The following SH3YL1 variants were observed in gnomAD, a reference collection of about 807,000 sequenced individuals.
SH3YL1 encodes the protein SH3 domain-containing YSC84-like protein 1.
A neutral mutation model predicts 45.8 loss-of-function variants in SH3YL1; 41 were observed. That is an observed-to-expected ratio of 0.89 (90% CI 0.70 to 1.16). The LOEUF (loss-of-function observed/expected upper bound fraction) is 1.16, where lower values mean the gene tolerates loss of function less well. Among genes scored for constraint, SH3YL1 ranks in the 50% most tolerant of loss-of-function variants. SH3YL1 has a pLI of 0.00. For missense variants in SH3YL1, 389 were observed against 409.6 expected (o/e 0.95, Z 0.43); for synonymous variants, 152 against 151.4 (o/e 1.00, Z -0.03).
At chr2:235,073 C>T (rs574547135) in intron 4 of SH3YL1, among the ~76,000 whole-genome samples, 160 of 152,244 alleles carry the variant, frequency 1.1e-3, no homozygotes, top group African/African-American at 3.7e-3. Context: ...GATGGGGTTT[C>T]GCCATGTTGG....
At chr2:237,147 C>T (rs1558240926) in intron 4 of SH3YL1, among the ~76,000 whole-genome samples, 4 of 134,842 alleles carry the variant, frequency 3.0e-5, no homozygotes, top group Non-Finnish European at 4.9e-5. Flanking sequence ...ATTTCCCACT[C>T]GGAAAATACA....
At position 218,773 on chromosome 2, in the gene SH3YL1, T is replaced by C; in HGVS notation, c.*38A>G. On this transcript the variant is annotated 3_prime_UTR_variant, in exon 10 of 10. Coordinates refer to ENST00000356150, the MANE Select transcript of SH3YL1 (RefSeq NM_015677.4). ...GTAAATCCTGTCAGTGTAGAAATAA[T>C]TTTTTTGTAATTCTCAAAGAAGAAA... 1 of 1,480,768 alleles carries C rather than the reference T, an allele frequency of 6.8e-7. No individual in the cohort carries two copies. Among genetic ancestry groups the C allele is most frequent in the Non-Finnish European group, 9.1e-7 (1 of 1,097,124 alleles). 91.7% of individuals were successfully genotyped at this position (1,480,768 alleles called of 1,614,324 possible).
At position 233,108 on chromosome 2, in the gene SH3YL1, T is replaced by C. The variant is rs1668118758; in HGVS notation, c.526A>G (p.Asn176Asp). Residue 176 changes from asparagine to aspartate, a missense_variant, in exon 6 of 10, where the codon AAT becomes GAT. Coordinates refer to ENST00000356150, the MANE Select transcript of SH3YL1 (RefSeq NM_015677.4). ...ACTTTAACTTGAACTGACTTTCTAT[T>C]AGTTTCTTTCCTTTCAATCAAACAG... ...GSCLIERKET[N>D]RKFYCQDIRA... is the part of the protein sequence containing the mutation. The C allele has an allele frequency of 1.9e-6, 3 of 1,567,148 alleles. No homozygotes were observed. Among genetic ancestry groups the C allele is most frequent in the African/African-American group, 2.7e-5 (2 of 73,464 alleles).
At chr2:221,142 C>T (rs752233471) in intron 9 of SH3YL1, among the ~76,000 whole-genome samples, 4 of 152,142 alleles carry the variant, frequency 2.6e-5, no homozygotes, top group African/African-American at 9.7e-5. Context: ...GTAATTTGTC[C>T]AAGGTCAGGA....
At chr2:245,157 T>C (rs1264702775) in intron 4 of SH3YL1, among the ~76,000 whole-genome samples, 1 of 152,020 alleles carries the variant, frequency 6.6e-6, no homozygotes, top group Non-Finnish European at 1.5e-5. Flanking sequence ...CATTGAAAAA[T>C]AGCCGACTGC....
chr2:257,490 G>C (rs973687649), intron 1 of SH3YL1, among the ~76,000 whole-genome samples: 2 of 152,216 alleles, frequency 1.3e-5, no homozygotes, highest in Admixed American at 1.3e-4. Context: ...TAACTTAGGA[G>C]TATGCATCTG....
At chr2:260,855 A>C (rs186185839) in intron 1 of SH3YL1, 1 of 152,380 alleles carries the variant, frequency 6.6e-6, no homozygotes, top group Non-Finnish European at 1.5e-5. Context: ...GTTGAGAGTT[A>C]ATCTTGCAAA....
intron 4 of SH3YL1, chr2:243,014 C>A: frequency 1.9e-6 from 1 of 530,332 alleles, no homozygotes; most frequent in Non-Finnish European, 2.9e-6. Flanking sequence ...TATCGGAGAC[C>A]CAAATACATG....
chr2:225,640 A>C (rs2103019564), intron 8 of SH3YL1, among the ~76,000 whole-genome samples: 1 of 152,382 alleles, frequency 6.6e-6, no homozygotes, highest in South Asian at 2.1e-4. Flanking sequence ...GGATACAAAT[A>C]TCCTCTGAGA....
At chr2:264,109 C>G, upstream of SH3YL1, 5 of 1,271,210 alleles carry the variant, frequency 3.9e-6, no homozygotes, top group Non-Finnish European at 5.1e-6. Context: ...AAGGAGGCGG[C>G]GCAAAACACC....
intron 4 of SH3YL1, among the ~76,000 whole-genome samples, chr2:235,140 G>C (rs1029077222): frequency 3.9e-5 from 6 of 152,218 alleles, no homozygotes; most frequent in Admixed American, 3.9e-4. Flanking sequence ...GCCTCCCAAA[G>C]TGCTGGATTA....
In SH3YL1 at chr2:247,635, A is replaced by G. The variant is rs186470308; in HGVS notation, c.227-33T>C. On this transcript the variant is annotated intron_variant, in intron 3 of 9. Transcript: ENST00000356150. The stretch of plus-strand genomic sequence containing the variant: ...AAAAACAAACGAACGTTATCCTAAC[A>G]TTAAAACACCCTCGACATGTAAATA... 786 of 1,512,464 alleles carry G rather than the reference A, an allele frequency of 5.2e-4. 1 individual carries two copies. In the African/African-American group the frequency reaches 9.7e-3, roughly 19 times the overall value. The allele number at this position is 1,512,464 out of a possible 1,614,324, so 93.7% of individuals were successfully genotyped here.
At chr2:227,029 C>G (rs1667813763) in intron 8 of SH3YL1, among the ~76,000 whole-genome samples, 1 of 151,178 alleles carries the variant, frequency 6.6e-6, no homozygotes, top group Non-Finnish European at 1.5e-5. Context: ...CATATGGTGT[C>G]TAGTGGGAAA....
intron 6 of SH3YL1, 31 bp from the exon 7 acceptor site, chr2:231,222 T>C (rs780292184): frequency 6.6e-7 from 1 of 1,505,014 alleles, no homozygotes; most frequent in Admixed American, 1.9e-5. Context: ...AAAAACATTT[T>C]AATATACACA....
rs779148789 is a variant in SH3YL1 at position 218,941 on chromosome 2, C to T, written c.899G>A (p.Gly300Glu). The T allele has an allele frequency of 6.2e-7, 1 of 1,614,026 alleles. No individual in the cohort carries two copies. ...ALYSFEGQQPGDLNFQAGDRI... is the reference protein window; with the variant it reads ...ALYSFEGQQPEDLNFQAGDRI... ...GTCTCCAGCTTGAAAATTCAAATCC[C>T]CAGGCTGCTGTCCTTCAAATGAATA... Residue 300 changes from glycine (G) to glutamate (E), a missense_variant, in exon 10 of 10, where the codon GGG becomes GAG. Coordinates refer to ENST00000356150, the MANE Select transcript of SH3YL1 (RefSeq NM_015677.4).
intron 5 of SH3YL1, 34 bp downstream of exon 5, chr2:234,126 C>T (rs532139893): frequency 6.8e-7 from 1 of 1,470,246 alleles, no homozygotes; most frequent in African/African-American, 1.4e-5. Context: ...AGTTGTTAAA[C>T]CTTTACTGTC....
At chr2:261,140 CA>C (rs1206280177) in intron 1 of SH3YL1, 3 of 152,306 alleles carry the variant, frequency 2.0e-5, no homozygotes, top group East Asian at 3.9e-4. Context: ...TCTGTCAGAA[CA>C]AAAAGAATAT....
intron 9 of SH3YL1, among the ~76,000 whole-genome samples, chr2:221,073 T>C (rs1667552546): frequency 6.6e-6 from 1 of 152,102 alleles, no homozygotes; most frequent in African/African-American, 2.4e-5. Flanking sequence ...CCCACTGCAA[T>C]GAGCCAGCTA....
intron 2 of SH3YL1, among the ~76,000 whole-genome samples, chr2:252,275 A>G (rs1218731976): frequency 6.6e-6 from 1 of 152,212 alleles, no homozygotes; most frequent in Non-Finnish European, 1.5e-5. Flanking sequence ...GAGAATGTAA[A>G]TGTCTTATGT....
Sources: gnomAD v4.1 joint callset for allele counts (sites outside exome capture counted in the v4.1 genomes callset) on GRCh38, gnomAD v4.1.1 for gene constraint, MANE v1.5 for transcripts, NCBI Gene and HGNC (gene_info 2026-07-23, HGNC 2026-07-21) for gene names.